Variants in PCDH11X observed in about 807,000 individuals in gnomAD.
PCDH11X encodes protocadherin-11 X-linked.
Under a neutral mutation model 53.3 loss-of-function variants are expected in PCDH11X, and 18 were observed. The observed-to-expected ratio is 0.34, with a 90% CI of 0.23 to 0.50. PCDH11X has a LOEUF of 0.50. Among genes scored for constraint, PCDH11X ranks in the 20% least tolerant of loss-of-function variants. PCDH11X has a pLI of 0.98. For missense variants in PCDH11X, 570 were observed against 1,032.4 expected, an observed-to-expected ratio of 0.55 and a Z score of 6.14; for synonymous variants, 279 against 393.3, an observed-to-expected ratio of 0.71 and a Z score of 3.44.
intron 10 of PCDH11X, among the ~76,000 whole-genome samples, chrX:92,581,806 C>T (rs1923743067): frequency 9.1e-6 from 1 of 110,425 alleles, no homozygotes; most frequent in African/African-American, 3.3e-5. Context: ...TGATGAATGG[C>T]TTCTAACAAA....
chrX:92,613,284 G>T (rs1266075708), intron 10 of PCDH11X, among the ~76,000 whole-genome samples: 1 of 111,028 alleles, frequency 9.0e-6, no homozygotes, highest in South Asian at 3.8e-4. Context: ...TATAAGGCTG[G>T]CCTGATGGTA....
chrX:92,573,559 T>A (rs183188913), intron 10 of PCDH11X, among the ~76,000 whole-genome samples: 15 of 110,475 alleles, frequency 1.4e-4, no homozygotes, highest in African/African-American at 4.6e-4. Flanking sequence ...TCTTTACTTA[T>A]GTTTGTAAAG....
rs1057213751 is a variant in PCDH11X at position 92,417,981 on chromosome X, T to C, written c.3343+30048T>C. ...TTTTAGTGTAGGCCTTTAACCTAAG[T>C]AGATAAAGCATTTTATATTTTCAAT... On this transcript the variant is annotated intron_variant, in intron 9 of 10. Transcript: ENST00000682573. Among the ~76,000 whole-genome samples, 12 of 108,360 alleles carry C rather than the reference T, an allele frequency of 1.1e-4. No individual in the cohort carries two copies. The Admixed American group carries it at 1.2e-3, about 11-fold the overall frequency. 94.1% of individuals were successfully genotyped at this position (108,360 alleles called of 115,157 possible). A position where few individuals can be genotyped will look rare whatever the true frequency, so the allele number is the denominator to read the frequency against.
chrX:92,370,981 G>GT (rs2070608693), intron 8 of PCDH11X, among the ~76,000 whole-genome samples: 1 of 111,754 alleles, frequency 8.9e-6, no homozygotes, highest in African/African-American at 3.3e-5. Flanking sequence ...CTCTTGTAAC[G>GT]TTTTTTGGTG....
At position 92,508,302 on chromosome X, in the gene PCDH11X, C is replaced by A. The variant is rs796404323; in HGVS notation, c.3367+39980C>A. 3.6e-5 allele frequency among the ~76,000 whole-genome samples: 4 copies of A among 110,214 alleles called. No homozygotes were observed. In the South Asian group the frequency reaches 1.6e-3, roughly 43 times the overall value. ...GCAGTGGCATGATCTAGGCTCACTGCAACCTCTGCCTCCTGGGTTCAAGTG... is the reference window on the plus strand; with the variant it reads ...GCAGTGGCATGATCTAGGCTCACTGAAACCTCTGCCTCCTGGGTTCAAGTG... On this transcript the variant is annotated intron_variant, in intron 10 of 10. Transcript: ENST00000682573.
chrX:92,067,840 A>G (rs1359341278), intron 6 of PCDH11X, among the ~76,000 whole-genome samples: 1 of 110,928 alleles, frequency 9.0e-6, no homozygotes, highest in Non-Finnish European at 1.9e-5. Context: ...CGATCTTGTT[A>G]CTTGTTATTG....
At chrX:91,869,157 T>C (rs1939145255) in intron 5 of PCDH11X, among the ~76,000 whole-genome samples, 1 of 110,078 alleles carries the variant, frequency 9.1e-6, no homozygotes, top group South Asian at 3.8e-4. Context: ...CTTTTAGGGG[T>C]GGTAGTTTTG....
rs774435506 is a variant in PCDH11X at position 92,565,685 on chromosome X, C to A, written c.3368-52579C>A. The stretch of plus-strand genomic sequence containing the variant: ...GAATGCTGGGATGGTTAAGAGAAAC[C>A]AAAAACAATTAGAAAAAACGAATAA... On this transcript the variant is annotated intron_variant, in intron 10 of 10. Transcript: ENST00000682573. Among the ~76,000 whole-genome samples, 12 of 106,550 alleles carry A rather than the reference C, an allele frequency of 1.1e-4. No homozygotes were observed. In the East Asian group the frequency reaches 3.5e-3, roughly 31 times the overall value. The allele number at this position is 106,550 out of a possible 115,157, so 92.5% of individuals were successfully genotyped here.
intron 8 of PCDH11X, among the ~76,000 whole-genome samples, chrX:92,331,277 T>TC (rs2069460574): frequency 2.1e-5 from 2 of 96,630 alleles, no homozygotes; most frequent in Admixed American, 1.2e-4. Context: ...CTCCTCCTCC[T>TC]CTTTCTTCTT....
intron 6 of PCDH11X, among the ~76,000 whole-genome samples, chrX:91,946,114 G>T (rs2147863588): frequency 9.1e-6 from 1 of 109,319 alleles, no homozygotes; most frequent in South Asian, 3.9e-4. Context: ...GGATGTGTTT[G>T]GGGTATTTTT....
At chrX:92,330,711 T>C (rs5984174) in intron 8 of PCDH11X, among the ~76,000 whole-genome samples, 41,154 of 110,162 alleles carry the variant, frequency 0.37, 6,029 homozygotes, top group African/African-American at 0.52. Context: ...GCCAATTAAA[T>C]AGATTTCTAT....
chrX:92,190,695 A>T (rs1292149338), intron 6 of PCDH11X, among the ~76,000 whole-genome samples: 2 of 111,791 alleles, frequency 1.8e-5, no homozygotes, highest in Non-Finnish European at 3.8e-5. Context: ...TAAACAATTA[A>T]TTTTTTCAGT....
rs770201003 is a variant in PCDH11X, at chrX:91,858,225, C to A, written c.541-18556C>A. Among the ~76,000 whole-genome samples, 6 of 109,924 alleles carry A rather than the reference C, an allele frequency of 5.5e-5. No individual in the cohort carries two copies. The South Asian group carries it at 2.4e-3, about 45-fold the overall frequency. ...TTTCAGCCATGGCTGGGATGTAGGT[C>A]ATCAAGTCCCCAAACTGCACAAAGC... On this transcript the variant is annotated intron_variant, in intron 5 of 10. Coordinates refer to ENST00000682573, the MANE Select transcript of PCDH11X (RefSeq NM_032968.5).
At chrX:92,095,698 T>C (rs1205557764) in intron 6 of PCDH11X, among the ~76,000 whole-genome samples, 1 of 112,084 alleles carries the variant, frequency 8.9e-6, no homozygotes, top group Non-Finnish European at 1.9e-5. Context: ...AATATAAAAA[T>C]ATACGCCATT....
At position 92,127,849 on chromosome X, in the gene PCDH11X, TA is replaced by T. The variant is rs1266379051; in HGVS notation, c.3034-73524del. 2.7e-5 allele frequency among the ~76,000 whole-genome samples: 3 copies of T among 111,386 alleles called. No individual in the cohort carries two copies. In the East Asian group the frequency reaches 8.5e-4, roughly 32 times the overall value. Reference sequence around the variant, plus strand: ...CCCTTCCCCCTTTCTAAGAGTCACATAACTCTACCCAAACCTAAAGTATCAA... The same window carrying T: ...CCCTTCCCCCTTTCTAAGAGTCACATACTCTACCCAAACCTAAAGTATCAA... On this transcript the variant is annotated intron_variant, in intron 6 of 10. Transcript: ENST00000682573.
chrX:91,901,717 G>T (rs1465621208), intron 6 of PCDH11X, among the ~76,000 whole-genome samples: 8 of 111,546 alleles, frequency 7.2e-5, no homozygotes, highest in Admixed American at 3.8e-4. Context: ...ATCTTACAAA[G>T]ATAACTAATT....
chrX:91,806,871 G>A (rs1218649016), intron 1 of PCDH11X, among the ~76,000 whole-genome samples: 3 of 111,850 alleles, frequency 2.7e-5, no homozygotes, highest in Non-Finnish European at 5.6e-5. Context: ...CATAGTTTCT[G>A]CAAAATCTGA....
rs769733354 is a variant in PCDH11X, at chrX:91,796,618, A to T, written c.-378-12848A>T. On this transcript the variant is annotated intron_variant, in intron 1 of 10. Transcript: ENST00000682573. ...ACTTGATAAACTGATTATTAAAAGT[A>T]ACAAGTTCACAATAACTGAAAAACC... 1.4e-4 allele frequency among the ~76,000 whole-genome samples: 16 copies of T among 111,716 alleles called. No homozygotes were observed. The East Asian group carries it at 4.5e-3, about 31-fold the overall frequency.
chrX:92,129,959 T>C (rs1393059718), intron 6 of PCDH11X, among the ~76,000 whole-genome samples: 3 of 111,918 alleles, frequency 2.7e-5, no homozygotes, highest in Non-Finnish European at 5.6e-5. Flanking sequence ...AAATGGCTTA[T>C]ATGCGCACAC....
Sources: gnomAD v4.1 joint callset for allele counts (sites outside exome capture counted in the v4.1 genomes callset) on GRCh38, gnomAD v4.1.1 for gene constraint, MANE v1.5 for transcripts, NCBI Gene and HGNC (gene_info 2026-07-23, HGNC 2026-07-21) for gene names.